Variants in CXADR observed in about 807,000 individuals in gnomAD.
CXADR encodes the protein coxsackievirus and adenovirus receptor.
Under a neutral mutation model 40.3 loss-of-function variants are expected in CXADR, and 20 were observed. The observed-to-expected ratio is 0.50, with a 90% CI of 0.35 to 0.72. CXADR has a LOEUF of 0.72. CXADR is among the 30% of genes least tolerant of loss of function. CXADR has a pLI of 0.01. For synonymous variants in CXADR, 150 were observed against 161.3 expected (o/e 0.93, Z 0.53); for missense variants, 332 against 449.1 (o/e 0.74, Z 2.36).
intron 6 of CXADR, among the ~76,000 whole-genome samples, chr21:17,564,966 C>A (rs1317289391): frequency 6.6e-6 from 1 of 152,150 alleles, no homozygotes; most frequent in African/African-American, 2.4e-5. Context: ...AACTCCTGAT[C>A]TCAAGTGATC....
the CXADR span, among the ~76,000 whole-genome samples, chr21:17,621,689 G>A: frequency 6.6e-6 from 1 of 152,106 alleles, no homozygotes; most frequent in Non-Finnish European, 1.5e-5. Flanking sequence ...GCCATGTGAG[G>A]ACACATCCTT....
chr21:17,527,261 G>A (rs1482784150), intron 1 of CXADR: 2 of 152,172 alleles, frequency 1.3e-5, no homozygotes, highest in Non-Finnish European at 2.9e-5. Context: ...AAGAAGAATA[G>A]TTTTGACCAG....
intron 1 of CXADR, among the ~76,000 whole-genome samples, chr21:17,537,534 G>T (rs2060774318): frequency 6.6e-6 from 1 of 152,028 alleles, no homozygotes; most frequent in African/African-American, 2.4e-5. Context: ...ATAATTCATA[G>T]CTCCTCTCTG....
chr21:17,543,061 AT>A (rs1194167520), intron 1 of CXADR: 5 of 347,864 alleles, frequency 1.4e-5, no homozygotes, highest in Admixed American at 3.7e-5. Flanking sequence ...GGCTTTAACC[AT>A]TTTTTGAAAG....
intron 7 of CXADR, among the ~76,000 whole-genome samples, chr21:17,581,945 GT>G (rs35108472): frequency 0.86 from 129,467 of 150,180 alleles, 56,216 homozygotes; most frequent in East Asian, 0.92. Context: ...TTGTTTGTTT[GT>G]TTTGTTTGTT....
chr21:17,602,088 T>C, the CXADR span, among the ~76,000 whole-genome samples: 1 of 152,102 alleles, frequency 6.6e-6, no homozygotes, highest in Non-Finnish European at 1.5e-5. Flanking sequence ...TCAAGGCTAA[T>C]TTAGTTATTT....
In CXADR at chr21:17,561,459, A is replaced by G. The variant is rs1428861602; in HGVS notation, c.816A>G (p.Glu272=). ...KKRREEKYEK[E]VHHDIREDVP... ...GCAGAGAAGAAAAATATGAAAAGGA[A>G]GTTCATCACGATATCAGGTAATTAA... Residue 272 remains glutamate, a synonymous_variant, in exon 6 of 7, where the codon GAA becomes GAG. Coordinates refer to ENST00000284878, the MANE Select transcript of CXADR (RefSeq NM_001338.5). The G allele has an allele frequency of 6.2e-7, 1 of 1,608,892 alleles. No homozygotes were observed.
At chr21:17,513,505 C>G (rs986638934) in intron 1 of CXADR, among the ~76,000 whole-genome samples, 1 of 152,244 alleles carries the variant, frequency 6.6e-6, no homozygotes, top group African/African-American at 2.4e-5. Context: ...GCTTGCCTTT[C>G]TTTGCTCTCG....
the CXADR span, among the ~76,000 whole-genome samples, chr21:17,633,675 A>G: frequency 1.3e-5 from 2 of 152,208 alleles, no homozygotes; most frequent in Non-Finnish European, 2.9e-5. Context: ...TCACAGTGCA[A>G]TTCTGCCACT....
intron 2 of CXADR, among the ~76,000 whole-genome samples, chr21:17,548,365 C>A (rs748354030): frequency 6.6e-6 from 1 of 152,124 alleles, no homozygotes; most frequent in Non-Finnish European, 1.5e-5. Context: ...AAAGATGTAA[C>A]CTCTGCCCTG....
At position 17,564,675 on chromosome 21, in the gene CXADR, A is replaced by G. The variant is rs942963835; in HGVS notation, c.834-753A>G. 1.5e-4 allele frequency among the ~76,000 whole-genome samples: 23 copies of G among 152,202 alleles called. No homozygotes were observed. The East Asian group carries it at 2.1e-3, about 14-fold the overall frequency. On this transcript the variant is annotated intron_variant, in intron 6 of 6. Coordinates refer to ENST00000284878, the MANE Select transcript of CXADR (RefSeq NM_001338.5). ...GTAGTGTTTTCAGCTAAGGTTTTAG[A>G]TAACTTTAATATAAAAAGAATTTTT... is the stretch of plus-strand genomic sequence containing the variant.
intron 5 of CXADR, 24 bp downstream of exon 5, chr21:17,560,848 T>G: frequency 6.2e-7 from 1 of 1,611,880 alleles, no homozygotes; most frequent in Non-Finnish European, 8.5e-7. Flanking sequence ...TTTCTGTTGG[T>G]GGTTTTGTTT....
At chr21:17,588,627 A>G (rs2061414132) in intron 7 of CXADR, among the ~76,000 whole-genome samples, 1 of 152,182 alleles carries the variant, frequency 6.6e-6, no homozygotes, top group Non-Finnish European at 1.5e-5. Flanking sequence ...AAACTTCTGT[A>G]TATAAATGTT....
chr21:17,614,470 A>G, the CXADR span, among the ~76,000 whole-genome samples: 3 of 152,340 alleles, frequency 2.0e-5, no homozygotes, highest in South Asian at 6.2e-4. Flanking sequence ...CAGGCTGGGC[A>G]CTGTAGCTCA....
the CXADR span, among the ~76,000 whole-genome samples, chr21:17,623,266 A>G: frequency 8.5e-5 from 13 of 152,096 alleles, no homozygotes; most frequent in Admixed American, 7.9e-4. Context: ...TTATTTTGGA[A>G]GTATTTATTT....
downstream of CXADR, chr21:17,594,280 T>C (rs748774075): frequency 2.6e-5 from 42 of 1,613,262 alleles, no homozygotes; most frequent in Non-Finnish European, 3.5e-5. Context: ...TCCTGGCTTT[T>C]TTCTGGGCAA....
intron 4 of CXADR, among the ~76,000 whole-genome samples, chr21:17,560,124 C>T (rs1051962052): frequency 1.3e-5 from 2 of 152,108 alleles, no homozygotes; most frequent in Admixed American, 6.6e-5. Context: ...ACCCGTGTGA[C>T]ACTAACTAGA....
rs531688588 is a variant in CXADR, at chr21:17,523,903, G to C, written c.43+10731G>C. ...AAACAGAGTCTTGCTCTGTCGCCCAGGCTGGAGTGCAGTGGCGCGATCTCG... is the reference window on the plus strand; with the variant it reads ...AAACAGAGTCTTGCTCTGTCGCCCACGCTGGAGTGCAGTGGCGCGATCTCG... On this transcript the variant is annotated intron_variant, in intron 1 of 6. Transcript: ENST00000284878. Among the ~76,000 whole-genome samples the C allele has an allele frequency of 2.6e-5, 4 of 151,956 alleles. No individual in the cohort carries two copies. The South Asian group carries it at 8.4e-4, about 32-fold the overall frequency.
chr21:17,561,308 AT>A, intron 5 of CXADR, 29 bp from the exon 6 acceptor site: 1 of 1,350,882 alleles, frequency 7.4e-7, no homozygotes. Flanking sequence ...ATATGTATAT[AT>A]TTTTTACTAT....
Sources: gnomAD v4.1 joint callset for allele counts (sites outside exome capture counted in the v4.1 genomes callset) on GRCh38, gnomAD v4.1.1 for gene constraint, MANE v1.5 for transcripts, NCBI Gene and HGNC (gene_info 2026-07-23, HGNC 2026-07-21) for gene names.